RHOBTB3: variants seen among roughly 807,000 people sequenced by gnomAD.
RHOBTB3 encodes Rho related BTB domain containing 3, also known as rho-related BTB domain-containing protein 3.
In RHOBTB3, 47 loss-of-function variants were observed where a neutral mutation model predicts 67.2. The ratio of observed to expected loss-of-function variants is 0.70; its 90% CI spans 0.55 to 0.89. The LOEUF (loss-of-function observed/expected upper bound fraction) is 0.89. RHOBTB3 is among the 40% of genes least tolerant of loss of function. The probability of loss-of-function intolerance (pLI) is 0.00; values close to 1 mark genes in which losing one functional copy is unlikely to be tolerated. For missense variants in RHOBTB3, 631 were observed against 750.0 expected, an observed-to-expected ratio of 0.84 and a Z score of 1.85; for synonymous variants, 273 against 274.2, an observed-to-expected ratio of 1.00 and a Z score of 0.04.
chr5:95,734,933 T>A (rs954383990), intron 2 of RHOBTB3, among the ~76,000 whole-genome samples: 6 of 152,224 alleles, frequency 3.9e-5, no homozygotes, highest in African/African-American at 1.4e-4. Flanking sequence ...TTGAACTATT[T>A]GGAATTCAAA....
chr5:95,769,217 A>T (rs1313018570), intron 8 of RHOBTB3: 1 of 339,636 alleles, frequency 2.9e-6, no homozygotes, highest in Admixed American at 3.0e-5. Context: ...GTAACAAAAG[A>T]TGGTGTGACT....
intron 6 of RHOBTB3, among the ~76,000 whole-genome samples, chr5:95,759,171 GA>G (rs1745326015): frequency 6.6e-6 from 1 of 152,234 alleles, no homozygotes; most frequent in Non-Finnish European, 1.5e-5. Context: ...AACCAGTTCA[GA>G]GTCCTGGCTT....
chr5:95,772,468 G>A (rs1333269142), intron 8 of RHOBTB3, among the ~76,000 whole-genome samples: 1 of 152,060 alleles, frequency 6.6e-6, no homozygotes, highest in Non-Finnish European at 1.5e-5. Context: ...TCATGAGTAT[G>A]TTTTAGACCT....
chr5:95,771,813 A>G (rs1035811093), intron 8 of RHOBTB3, among the ~76,000 whole-genome samples: 9 of 152,228 alleles, frequency 5.9e-5, no homozygotes, highest in Non-Finnish European at 2.9e-5. Context: ...GGTACGCTCT[A>G]TCCATACCAG....
chr5:95,728,803 A>G (rs1293144423), upstream of RHOBTB3, among the ~76,000 whole-genome samples: 1 of 152,222 alleles, frequency 6.6e-6, no homozygotes, highest in Non-Finnish European at 1.5e-5. Context: ...TACAGGTCAC[A>G]AAGACCTTGC....
chr5:95,772,982 T>TC (rs1020463319), intron 8 of RHOBTB3, among the ~76,000 whole-genome samples: 31 of 152,322 alleles, frequency 2.0e-4, no homozygotes, highest in African/African-American at 7.2e-4. Flanking sequence ...TTGTCTCCCA[T>TC]CCCCACCTTT....
At position 95,731,925 on chromosome 5, in the gene RHOBTB3, G is replaced by C; in HGVS notation, c.69G>C (p.Gly23=). Residue 23 remains glycine (G), a synonymous_variant, in exon 2 of 12, where the codon GGG becomes GGC. Transcript: ENST00000379982. ...DTFHQDNRPS[G]LIRTYLGRSP... ...TCCACCAGGACAACCGGCCGTCGGG[G>C]CTTATCCGCACTTACCTGGGGAGAA... 1 of 1,614,144 alleles carries C rather than the reference G, an allele frequency of 6.2e-7. No homozygotes were observed. The highest frequency in any genetic ancestry group is 1.1e-5 in the South Asian group (1 of 91,088).
chr5:95,750,070 T>C (rs1745045159), intron 4 of RHOBTB3, among the ~76,000 whole-genome samples: 1 of 152,234 alleles, frequency 6.6e-6, no homozygotes, highest in Non-Finnish European at 1.5e-5. Context: ...AATGGTATCA[T>C]TTTAGATGTT....
At chr5:95,772,244 G>A (rs920937332) in intron 8 of RHOBTB3, among the ~76,000 whole-genome samples, 3 of 152,214 alleles carry the variant, frequency 2.0e-5, no homozygotes, top group African/African-American at 4.8e-5. Flanking sequence ...TATGAGAGTA[G>A]TGTCTAGTGG....
intron 6 of RHOBTB3, among the ~76,000 whole-genome samples, chr5:95,756,683 T>G (rs1745256266): frequency 3.3e-5 from 5 of 152,182 alleles, no homozygotes; most frequent in Admixed American, 3.3e-4. Context: ...TTATTTTTTT[T>G]AATAGTAGCC....
chr5:95,732,569 G>T, intron 2 of RHOBTB3: 1 of 185,856 alleles, frequency 5.4e-6, no homozygotes, highest in Non-Finnish European at 1.1e-5. Context: ...ACAGGGACTG[G>T]GAGTTAATTT....
At chr5:95,730,874 C>G (rs1554065937), upstream of RHOBTB3, 4 of 455,624 alleles carry the variant, frequency 8.8e-6, no homozygotes, top group Admixed American at 7.1e-5. Context: ...CGCATGTTGA[C>G]AAATGAGAAA....
chr5:95,776,139 A>G (rs897419472), intron 8 of RHOBTB3, among the ~76,000 whole-genome samples: 1 of 152,142 alleles, frequency 6.6e-6, no homozygotes, highest in African/African-American at 2.4e-5. Flanking sequence ...GGGCATGGTG[A>G]CTCATGGCTG....
Position 95,768,162 on chromosome 5 carries a change from T to G in RHOBTB3, c.1278T>G (p.Ile426Met), listed in dbSNP as rs1258841322. Residue 426 changes from isoleucine to methionine, a missense_variant, in exon 8 of 12, where the codon ATT becomes ATG. Transcript: ENST00000379982. ...TGCTTGCCGATGTTGTCTTCGAAAT[T>G]CAAGGTACGGATCAACTTTTACAAA... The part of the protein sequence containing the change: ...KPMLADVVFE[I>M]QGTTVPAHRA... 1 of 1,609,864 alleles carries G rather than the reference T, an allele frequency of 6.2e-7. No individual in the cohort carries two copies. Among genetic ancestry groups the G allele is most frequent in the African/African-American group, 1.3e-5 (1 of 74,726 alleles).
intron 8 of RHOBTB3, among the ~76,000 whole-genome samples, chr5:95,778,847 C>T (rs1186456333): frequency 3.3e-5 from 5 of 152,138 alleles, no homozygotes; most frequent in African/African-American, 4.8e-5. Flanking sequence ...CCCAGTGAGG[C>T]GAGGAGGGGA....
intron 2 of RHOBTB3, among the ~76,000 whole-genome samples, chr5:95,734,673 T>A (rs1755411096): frequency 6.6e-6 from 1 of 152,228 alleles, no homozygotes; most frequent in African/African-American, 2.4e-5. Flanking sequence ...GGTACATTAT[T>A]ATTTCATTTC....
intron 8 of RHOBTB3, chr5:95,769,147 G>A (rs1033749220): frequency 9.6e-5 from 35 of 363,752 alleles, no homozygotes; most frequent in African/African-American, 7.1e-4. Context: ...TGCCGTAGCT[G>A]CTACAGTGGG....
intron 1 of RHOBTB3, 85 bp from the exon 2 acceptor site, chr5:95,731,774 G>T (rs892566172): frequency 3.7e-6 from 6 of 1,603,220 alleles, no homozygotes; most frequent in Middle Eastern, 1.7e-4. Flanking sequence ...CTCGCCGCGC[G>T]CTGTCCCCCG....
chr5:95,793,098 C>T lies in RHOBTB3; in HGVS notation c.1760C>T (p.Ser587Leu), dbSNP rs1169091458. 4 of 1,613,354 alleles carry T rather than the reference C, an allele frequency of 2.5e-6. No individual in the cohort carries two copies. The African/African-American group carries it at 5.3e-5, about 22-fold the overall frequency. ...TTTGTTGAAAAGCACAGATGGCCGTCGAATATGTACTTGAAGCAGCTTGCG... is the reference window on the plus strand; with the variant it reads ...TTTGTTGAAAAGCACAGATGGCCGTTGAATATGTACTTGAAGCAGCTTGCG... ...RSFVEKHRWP[S>L]NMYLKQLAEY... The change falls in exon 12 of 12, where the codon TCG becomes TTG. Residue 587 changes from serine (S) to leucine (L), a missense_variant. By Grantham distance (145) the Ser-to-Leu change is moderately radical. Transcript: ENST00000379982.
Sources: gnomAD v4.1 joint callset for allele counts (sites outside exome capture counted in the v4.1 genomes callset) on GRCh38, gnomAD v4.1.1 for gene constraint, MANE v1.5 for transcripts, NCBI Gene and HGNC (gene_info 2026-07-23, HGNC 2026-07-21) for gene names.